Variants in DPYSL5 observed in about 807,000 individuals in gnomAD.
DPYSL5 encodes dihydropyrimidinase like 5, also known as dihydropyrimidinase-related protein 5.
In DPYSL5, 9 loss-of-function variants were observed where a neutral mutation model predicts 58.4. The ratio of observed to expected loss-of-function variants is 0.15; its 90% CI spans 0.09 to 0.27. DPYSL5 has a LOEUF of 0.27. Among genes scored for constraint, DPYSL5 ranks in the 10% least tolerant of loss-of-function variants. The pLI, the probability that DPYSL5 is intolerant of heterozygous loss-of-function variation, is 1.00. For synonymous variants in DPYSL5, 293 were observed against 301.9 expected (o/e 0.97, Z 0.31); for missense variants, 499 against 770.6 (o/e 0.65, Z 4.17).
At position 26,929,741 on chromosome 2, in the gene DPYSL5, G is replaced by C. The variant is rs148390775; in HGVS notation, c.669+1418G>C. ...CTCCCCCTCATTACCTGCTGAGATGGTCATTCAAAGCTGTTTTCCGCCTGC... is the reference window on the plus strand; with the variant it reads ...CTCCCCCTCATTACCTGCTGAGATGCTCATTCAAAGCTGTTTTCCGCCTGC... On this transcript the variant is annotated intron_variant, in intron 5 of 12. Transcript: ENST00000288699. 2.6e-3 allele frequency among the ~76,000 whole-genome samples: 401 copies of C among 152,302 alleles called. 2 individuals are homozygous for C. The highest frequency in any genetic ancestry group is 4.5e-3 in the Non-Finnish European group (309 of 68,026).
intron 1 of DPYSL5, among the ~76,000 whole-genome samples, chr2:26,867,250 G>A (rs1338799553): frequency 1.3e-5 from 2 of 152,094 alleles, no homozygotes; most frequent in African/African-American, 4.8e-5. Context: ...GGTGTCCAGG[G>A]TACATGCATT....
At chr2:26,858,583 T>G (rs1374370277) in intron 1 of DPYSL5, among the ~76,000 whole-genome samples, 1 of 151,636 alleles carries the variant, frequency 6.6e-6, no homozygotes, top group African/African-American at 2.4e-5. Context: ...ATTTTTTTTT[T>G]TTTTGGAGAC....
Position 26,934,464 on chromosome 2 carries a change from G to T in DPYSL5, c.791-114G>T. ...CTTAAAAGCCCTGTGAGCTTGGGCA[G>T]GTCCCTTCCTGTCTCTGACCTCAGC... is the stretch of plus-strand genomic sequence containing the variant. On this transcript the variant is annotated intron_variant, in intron 7 of 12. Transcript: ENST00000288699. The surrounding 1 kb of genome is among the most constrained non-coding windows in gnomAD (Gnocchi z 4.3). 2.3e-6 allele frequency: 3 copies of T among 1,298,092 alleles called. No individual in the cohort carries two copies. The highest frequency in any genetic ancestry group is 2.8e-5 in the South Asian group (2 of 71,026). The allele number at this position is 1,298,092 out of a possible 1,614,324, so 80.4% of individuals were successfully genotyped here.
chr2:26,907,830 C>G (rs1038763710), intron 2 of DPYSL5, among the ~76,000 whole-genome samples: 9 of 152,188 alleles, frequency 5.9e-5, no homozygotes, highest in Admixed American at 4.6e-4. Flanking sequence ...GTTTGTTTCT[C>G]AACAAGATTG....
chr2:26,892,046 A>T (rs2148132363), intron 1 of DPYSL5, among the ~76,000 whole-genome samples: 1 of 152,338 alleles, frequency 6.6e-6, no homozygotes, highest in African/African-American at 2.4e-5. Flanking sequence ...AATTTGAAAA[A>T]TACAGAAACC....
intron 1 of DPYSL5, among the ~76,000 whole-genome samples, chr2:26,894,186 C>G (rs967599230): frequency 6.6e-6 from 1 of 151,976 alleles, no homozygotes; most frequent in Non-Finnish European, 1.5e-5. Context: ...AAGCAACTCA[C>G]CATGACCACA....
chr2:26,898,486 C>T lies in DPYSL5; in HGVS notation c.-4-10C>T, dbSNP rs769590056. On this transcript the variant is annotated splice_polypyrimidine_tract_variant and intron_variant, in intron 1 of 12. Coordinates refer to ENST00000288699, the MANE Select transcript of DPYSL5 (RefSeq NM_020134.4). The surrounding 1 kb of genome is among the most constrained non-coding windows in gnomAD (Gnocchi z 6.1). The stretch of plus-strand genomic sequence containing the variant: ...GGACTTTGACCTTGACCATGCTCAC[C>T]TTCTTGTAGGAACATGCTTGCCAAC... 20 of 1,612,220 alleles carry T rather than the reference C, an allele frequency of 1.2e-5. No individual in the cohort carries two copies. Among genetic ancestry groups the T allele is most frequent in the Non-Finnish European group, 1.6e-5 (19 of 1,178,560 alleles).
At chr2:26,935,300 G>T (rs1665143558) in intron 8 of DPYSL5, among the ~76,000 whole-genome samples, 2 of 152,158 alleles carry the variant, frequency 1.3e-5, no homozygotes, top group South Asian at 4.1e-4. Context: ...TAAAGGAAAT[G>T]GTTTGATGAA....
intron 2 of DPYSL5, among the ~76,000 whole-genome samples, chr2:26,921,459 A>G (rs78445866): frequency 0.016 from 2,449 of 151,618 alleles, 53 homozygotes; most frequent in African/African-American, 0.05. Context: ...ATCCTTTTGA[A>G]AGCCTCGGGA....
intron 2 of DPYSL5, among the ~76,000 whole-genome samples, chr2:26,899,723 G>C (rs1470298255): frequency 6.6e-6 from 1 of 152,182 alleles, no homozygotes; most frequent in Non-Finnish European, 1.5e-5. Context: ...CCCTTGGAAG[G>C]CTGGGCTATG....
Position 26,932,181 on chromosome 2 carries a change from A to AAGAAAGAAAGAC in DPYSL5, c.714+508_714+509insCAGAAAGAAAGA, listed in dbSNP as rs1164072062. Among the ~76,000 whole-genome samples the AAGAAAGAAAGAC allele has an allele frequency of 5.6e-3, 419 of 75,004 alleles. 6 individuals are homozygous for AAGAAAGAAAGAC. Among genetic ancestry groups the AAGAAAGAAAGAC allele is most frequent in the African/African-American group, 9.1e-3 (190 of 20,890 alleles). The allele number at this position is 75,004 out of a possible 152,430, so 49.2% of individuals were successfully genotyped here. The stretch of plus-strand genomic sequence containing the variant: ...AAAGAAAGAAAGAAAGAAAGAAAGA[A>AAGAAAGAAAGAC]AGAAAGAAAGAAAGAAAGAAAGAAA... On this transcript the variant is annotated intron_variant, in intron 6 of 12. Transcript: ENST00000288699.
rs1343611600 is a variant in DPYSL5, at chr2:26,937,470, A to G, written c.948-2561A>G. 6.6e-5 allele frequency among the ~76,000 whole-genome samples: 10 copies of G among 152,180 alleles called. No homozygotes were observed. In the East Asian group the frequency reaches 1.9e-3, roughly 29 times the overall value. Reference sequence around the variant, plus strand: ...TTATTGGTTATAATTTATATGATGCAAGATACTTGATAGAAAATTCAGACA... The same window carrying G: ...TTATTGGTTATAATTTATATGATGCGAGATACTTGATAGAAAATTCAGACA... On this transcript the variant is annotated intron_variant, in intron 8 of 12. Coordinates refer to ENST00000288699, the MANE Select transcript of DPYSL5 (RefSeq NM_020134.4).
chr2:26,910,944 A>T lies in DPYSL5; in HGVS notation c.261+12184A>T, dbSNP rs567041752. ...ATGCTTTTTGTGCTATAATCAAGAA[A>T]TTTTTTCAGAATCCAAGGTCTCTAA... On this transcript the variant is annotated intron_variant, in intron 2 of 12. Transcript: ENST00000288699. 2.0e-5 allele frequency among the ~76,000 whole-genome samples: 3 copies of T among 151,554 alleles called. No homozygotes were observed. The South Asian group carries it at 6.3e-4, about 32-fold the overall frequency.
At chr2:26,946,595 G>A (rs2148180619) in intron 12 of DPYSL5, among the ~76,000 whole-genome samples, 1 of 152,310 alleles carries the variant, frequency 6.6e-6, no homozygotes. Context: ...CCAACAGGCT[G>A]GCCAATGACC....
intron 1 of DPYSL5, among the ~76,000 whole-genome samples, chr2:26,871,229 G>C (rs188604196): frequency 6.6e-6 from 1 of 152,178 alleles, no homozygotes; most frequent in Non-Finnish European, 1.5e-5. Context: ...AAAATCTGGT[G>C]GTCCCTGATT....
chr2:26,848,741 G>C (rs778232766), intron 1 of DPYSL5, among the ~76,000 whole-genome samples: 2 of 152,196 alleles, frequency 1.3e-5, no homozygotes, highest in South Asian at 2.1e-4. Flanking sequence ...TCGCCTCCGA[G>C]CTGGGATCTG....
chr2:26,889,866 G>A (rs1372297525), intron 1 of DPYSL5, among the ~76,000 whole-genome samples: 3 of 152,162 alleles, frequency 2.0e-5, no homozygotes, highest in Non-Finnish European at 4.4e-5. Context: ...AGACAGACCA[G>A]CAACGTCCTC....
chr2:26,925,126 G>T lies in DPYSL5; in HGVS notation c.420+81G>T. ...GGCTGGTTGGGGTGCAGTGCCTCCTGCTTGTGTGGGGCACCCCTCCCACTA... is the reference window on the plus strand; with the variant it reads ...GGCTGGTTGGGGTGCAGTGCCTCCTTCTTGTGTGGGGCACCCCTCCCACTA... On this transcript the variant is annotated intron_variant, in intron 3 of 12. Coordinates refer to ENST00000288699, the MANE Select transcript of DPYSL5 (RefSeq NM_020134.4). This position sits in a 1 kb window ranked among gnomAD's most constrained non-coding sequence, Gnocchi z 4.5. 1 of 1,519,636 alleles carries T rather than the reference G, an allele frequency of 6.6e-7. No individual in the cohort carries two copies. The allele number at this position is 1,519,636 out of a possible 1,614,324, so 94.1% of individuals were successfully genotyped here.
At chr2:26,858,749 TTTTC>T (rs71974471) in intron 1 of DPYSL5, among the ~76,000 whole-genome samples, 1,528 of 120,844 alleles carry the variant, frequency 0.013, 27 homozygotes, top group African/African-American at 0.043. Context: ...TTTTTTTTTT[TTTTC>T]CGTAGAGATA....
Sources: allele counts gnomAD v4.1 joint callset (sites outside exome capture counted in the v4.1 genomes callset), GRCh38; gene constraint gnomAD v4.1.1; non-coding constraint Gnocchi (gnomAD v3.1); transcripts MANE v1.5; gene names NCBI Gene and HGNC (gene_info 2026-07-23, HGNC 2026-07-21).